FHIT: variants seen among roughly 807,000 people sequenced by gnomAD.
The protein encoded by FHIT is bis(5'-adenosyl)-triphosphatase.
In FHIT, 19 loss-of-function variants were observed where a neutral mutation model predicts 17.9. The observed-to-expected ratio is 1.06, with a 90% CI of 0.74 to 1.56. FHIT has a LOEUF of 1.56. Ranked by LOEUF, FHIT falls within the 40% of genes most tolerant of loss-of-function variation. The pLI, the probability that FHIT is intolerant of heterozygous loss-of-function variation, is 0.00. For synonymous variants in FHIT, 81 were observed against 69.7 expected (o/e 1.16, Z -0.81); for missense variants, 248 against 189.2 (o/e 1.31, Z -1.82).
chr3:60,586,482 C>T (rs1408632062), intron 4 of FHIT, among the ~76,000 whole-genome samples: 1 of 152,016 alleles, frequency 6.6e-6, no homozygotes, highest in Non-Finnish European at 1.5e-5. Context: ...CCAGAAATCC[C>T]CTTACTGGAT....
chr3:61,215,770 C>T (rs1029653103), intron 1 of FHIT, among the ~76,000 whole-genome samples: 1 of 152,196 alleles, frequency 6.6e-6, no homozygotes, highest in Non-Finnish European at 1.5e-5. Flanking sequence ...GTAACCAAAA[C>T]AGCATGGTAC....
chr3:59,966,253 C>G (rs1001989254), intron 7 of FHIT, among the ~76,000 whole-genome samples: 26 of 152,126 alleles, frequency 1.7e-4, no homozygotes, highest in African/African-American at 6.3e-4. Flanking sequence ...TTTCTTGTCC[C>G]CCAAGCATGT....
At chr3:60,722,054 C>T (rs1427870706) in intron 4 of FHIT, among the ~76,000 whole-genome samples, 1 of 152,176 alleles carries the variant, frequency 6.6e-6, no homozygotes, top group Non-Finnish European at 1.5e-5. Context: ...AGGCTATAAA[C>T]AGCAGTGGTA....
chr3:60,525,175 C>G (rs1341921897), intron 5 of FHIT, among the ~76,000 whole-genome samples: 1 of 152,150 alleles, frequency 6.6e-6, no homozygotes, highest in African/African-American at 2.4e-5. Flanking sequence ...CAAAAAAGTT[C>G]CAATAGCATT....
intron 5 of FHIT, among the ~76,000 whole-genome samples, chr3:60,260,571 C>T (rs1171661068): frequency 6.6e-6 from 1 of 151,952 alleles, no homozygotes; most frequent in Admixed American, 6.6e-5. Flanking sequence ...GCCTCTATAA[C>T]CTTAATGAAT....
At chr3:60,404,332 C>G (rs1307484403) in intron 5 of FHIT, among the ~76,000 whole-genome samples, 1 of 149,938 alleles carries the variant, frequency 6.7e-6, no homozygotes, top group Non-Finnish European at 1.5e-5. Context: ...CCTAGAAAAA[C>G]AAACAAAAAT....
chr3:60,138,102 A>G (rs540747641), intron 5 of FHIT, among the ~76,000 whole-genome samples: 47 of 152,350 alleles, frequency 3.1e-4, no homozygotes, highest in Admixed American at 1.7e-3. Flanking sequence ...AGTGGCTCCA[A>G]TCGAAGATCG....
intron 4 of FHIT, among the ~76,000 whole-genome samples, chr3:60,676,691 C>G (rs2107853013): frequency 6.6e-6 from 1 of 152,298 alleles, no homozygotes; most frequent in Admixed American, 6.5e-5. Flanking sequence ...CCTACAGCCT[C>G]TCCTGGAAAA....
intron 4 of FHIT, among the ~76,000 whole-genome samples, chr3:60,542,570 T>A (rs937489972): frequency 6.6e-6 from 1 of 152,222 alleles, no homozygotes; most frequent in Admixed American, 6.5e-5. Flanking sequence ...TCTCTTCTTA[T>A]GAATTGCCAA....
rs557664308 is a variant in FHIT, at chr3:60,354,669, C to T, written c.103+182191G>A. Among the ~76,000 whole-genome samples, 32 of 152,198 alleles carry T rather than the reference C, an allele frequency of 2.1e-4. No homozygotes were observed. The South Asian group carries it at 6.4e-3, about 31-fold the overall frequency. ...ATAAAAAACAATTCTATATCAAAGC[C>T]AACTAATTCAATCTTATTTTTAAAT... On this transcript the variant is annotated intron_variant, in intron 5 of 9. Transcript: ENST00000492590.
At chr3:60,604,311 G>A (rs955857561) in intron 4 of FHIT, among the ~76,000 whole-genome samples, 1 of 152,140 alleles carries the variant, frequency 6.6e-6, no homozygotes, top group Admixed American at 6.5e-5. Flanking sequence ...CGACCAAGAA[G>A]ATATAAAGGC....
intron 4 of FHIT, among the ~76,000 whole-genome samples, chr3:60,603,149 AC>A (rs1334978134): frequency 2.0e-5 from 3 of 152,178 alleles, no homozygotes; most frequent in African/African-American, 7.2e-5. Flanking sequence ...CTAGTGAATA[AC>A]ATCTAAAATT....
intron 3 of FHIT, among the ~76,000 whole-genome samples, chr3:60,874,682 C>G (rs927684704): frequency 6.6e-6 from 1 of 152,140 alleles, no homozygotes; most frequent in East Asian, 1.9e-4. Flanking sequence ...CCTCCTCTCC[C>G]AAGAGTTGCG....
At chr3:60,218,141 T>G (rs1269324918) in intron 5 of FHIT, among the ~76,000 whole-genome samples, 1 of 152,168 alleles carries the variant, frequency 6.6e-6, no homozygotes, top group Non-Finnish European at 1.5e-5. Flanking sequence ...TAAACAAAAC[T>G]TCTTTCGGTC....
intron 7 of FHIT, among the ~76,000 whole-genome samples, chr3:59,935,281 G>T (rs113561178): frequency 1.3e-5 from 2 of 152,138 alleles, no homozygotes; most frequent in African/African-American, 4.8e-5. Flanking sequence ...CTTCTCAGCT[G>T]TTGTTGTAGT....
At chr3:60,987,638 CTG>C (rs2029863787) in intron 3 of FHIT, among the ~76,000 whole-genome samples, 2 of 152,290 alleles carry the variant, frequency 1.3e-5, no homozygotes, top group South Asian at 2.1e-4. Flanking sequence ...CTCTATATTT[CTG>C]TGTGTGTGTC....
intron 8 of FHIT, among the ~76,000 whole-genome samples, chr3:59,777,071 C>T (rs1702359797): frequency 6.6e-6 from 1 of 152,182 alleles, no homozygotes; most frequent in African/African-American, 2.4e-5. Context: ...AAGCACGGTC[C>T]ATGTCTAGGC....
intron 2 of FHIT, among the ~76,000 whole-genome samples, chr3:61,118,046 G>C (rs993303386): frequency 1.2e-4 from 18 of 152,056 alleles, no homozygotes; most frequent in African/African-American, 4.3e-4. Flanking sequence ...AGGAGAAACT[G>C]ATTCTATCTT....
intron 1 of FHIT, among the ~76,000 whole-genome samples, chr3:61,232,594 A>T (rs1207706656): frequency 2.0e-5 from 3 of 152,218 alleles, no homozygotes; most frequent in Non-Finnish European, 4.4e-5. Flanking sequence ...CTTCAAGAGG[A>T]GAAACATACC....
Sources: allele counts gnomAD v4.1 joint callset (sites outside exome capture counted in the v4.1 genomes callset), GRCh38; gene constraint gnomAD v4.1.1; transcripts MANE v1.5; gene names NCBI Gene and HGNC (gene_info 2026-07-23, HGNC 2026-07-21).